TRPS1: variants seen among roughly 807,000 people sequenced by gnomAD.
TRPS1 encodes the protein transcriptional repressor GATA binding 1, also known as zinc finger transcription factor Trps1.
TRPS1 carries 6 observed loss-of-function variants against 101.2 expected under a neutral mutation model. The observed-to-expected ratio is 0.06, with a 90% confidence interval of 0.03 to 0.12. The LOEUF (loss-of-function observed/expected upper bound fraction) is 0.12, where lower values mean the gene tolerates loss of function less well. TRPS1 is among the 10% of genes least tolerant of loss of function. The pLI, the probability that TRPS1 is intolerant of heterozygous loss-of-function variation, is 1.00. For synonymous variants in TRPS1, 578 were observed against 589.8 expected, an observed-to-expected ratio of 0.98 and a Z score of 0.29; for missense variants, 1,363 against 1,567.0, an observed-to-expected ratio of 0.87 and a Z score of 2.20.
In TRPS1 at chr8:115,423,449, C is replaced by T. The variant is rs546365381; in HGVS notation, c.2701-4997G>A. ...TATTTCAAATATTATAGCCACAATA[C>T]TGATTTTCACAGCAGCAATGTAGGT... On this transcript the variant is annotated intron_variant, in intron 5 of 6. Coordinates refer to ENST00000395715, the MANE Select transcript of TRPS1 (RefSeq NM_014112.5). 2.0e-5 allele frequency among the ~76,000 whole-genome samples: 3 copies of T among 152,320 alleles called. No homozygotes were observed. The South Asian group carries it at 6.2e-4, about 32-fold the overall frequency.
chr8:115,450,548 A>C (rs1263502299), intron 5 of TRPS1, among the ~76,000 whole-genome samples: 1 of 152,060 alleles, frequency 6.6e-6, no homozygotes, highest in Admixed American at 6.5e-5. Flanking sequence ...TTTAACCCTG[A>C]ACTGGGAGTA....
chr8:115,620,870 T>C (rs183240458), intron 2 of TRPS1, among the ~76,000 whole-genome samples: 213 of 152,346 alleles, frequency 1.4e-3, no homozygotes, highest in African/African-American at 4.8e-3. Context: ...ATATGCAGCC[T>C]GGTGAAAACA....
At chr8:115,626,408 T>C (rs1337535694) in intron 1 of TRPS1, among the ~76,000 whole-genome samples, 1 of 151,802 alleles carries the variant, frequency 6.6e-6, no homozygotes, top group Non-Finnish European at 1.5e-5. Flanking sequence ...CAAGAATCAC[T>C]GAAGGAGTTT....
At chr8:115,583,480 G>A (rs1351772337) in intron 5 of TRPS1, among the ~76,000 whole-genome samples, 4 of 152,066 alleles carry the variant, frequency 2.6e-5, no homozygotes, top group Non-Finnish European at 5.9e-5. Context: ...ATTAGTAAAT[G>A]TTGGTAACCA....
At chr8:115,641,462 C>G (rs564901982) in intron 1 of TRPS1, among the ~76,000 whole-genome samples, 1 of 152,312 alleles carries the variant, frequency 6.6e-6, no homozygotes, top group East Asian at 1.9e-4. Context: ...ATTATTCTTT[C>G]AACCTATACC....
At chr8:115,454,979 G>C (rs1172132664) in intron 5 of TRPS1, among the ~76,000 whole-genome samples, 1 of 152,074 alleles carries the variant, frequency 6.6e-6, no homozygotes, top group Non-Finnish European at 1.5e-5. Flanking sequence ...AAACTTCTGT[G>C]ATATTCTGAT....
intron 1 of TRPS1, chr8:115,637,420 G>C (rs764639263): frequency 5.2e-6 from 3 of 571,762 alleles, no homozygotes; most frequent in Non-Finnish European, 6.6e-6. Flanking sequence ...AAAAGTGATG[G>C]GTTTCAAAAC....
chr8:115,509,235 CTAT>C (rs1815520316), intron 5 of TRPS1, among the ~76,000 whole-genome samples: 1 of 151,902 alleles, frequency 6.6e-6, no homozygotes, highest in South Asian at 2.1e-4. Context: ...ATAAGAGTTC[CTAT>C]TGGAGCAGGA....
chr8:115,651,542 C>T (rs1447010179), intron 1 of TRPS1, among the ~76,000 whole-genome samples: 1 of 152,200 alleles, frequency 6.6e-6, no homozygotes, highest in Non-Finnish European at 1.5e-5. Flanking sequence ...TTGAGAACTA[C>T]TGCATCCAAG....
At chr8:115,578,497 A>G (rs1448288059) in intron 5 of TRPS1, among the ~76,000 whole-genome samples, 1 of 152,142 alleles carries the variant, frequency 6.6e-6, no homozygotes, top group East Asian at 1.9e-4. Context: ...GAAGTAGCCT[A>G]ATTGTTCATT....
chr8:115,663,091 G>A (rs1463051539), intron 1 of TRPS1, among the ~76,000 whole-genome samples: 4 of 151,948 alleles, frequency 2.6e-5, no homozygotes, highest in African/African-American at 4.8e-5. Flanking sequence ...TTTAAGTTAC[G>A]GTAACCTGAA....
chr8:115,587,918 A>G (rs1473667316), intron 4 of TRPS1, among the ~76,000 whole-genome samples: 1 of 152,218 alleles, frequency 6.6e-6, no homozygotes, highest in East Asian at 1.9e-4. Flanking sequence ...GGTGATTAGC[A>G]TTAAAACTGG....
intron 1 of TRPS1, among the ~76,000 whole-genome samples, chr8:115,631,469 T>A (rs1818639379): frequency 1.3e-5 from 2 of 152,092 alleles, no homozygotes; most frequent in Admixed American, 1.3e-4. Flanking sequence ...CTCATTTCCA[T>A]CATCAGCACT....
chr8:115,643,969 T>C (rs552098984), intron 1 of TRPS1, among the ~76,000 whole-genome samples: 48 of 152,326 alleles, frequency 3.2e-4, no homozygotes, highest in African/African-American at 9.4e-4. Flanking sequence ...GCGTGCATTG[T>C]CAGTGAGCAG....
At chr8:115,471,941 A>G (rs1212293079) in intron 5 of TRPS1, among the ~76,000 whole-genome samples, 1 of 152,208 alleles carries the variant, frequency 6.6e-6, no homozygotes, top group Admixed American at 6.5e-5. Context: ...TGTGGTTTGC[A>G]GGGTACAGCT....
chr8:115,603,522 G>T (rs75008005), intron 4 of TRPS1, among the ~76,000 whole-genome samples: 2,491 of 152,222 alleles, frequency 0.016, 61 homozygotes, highest in African/African-American at 0.057. Flanking sequence ...AAAAATATAG[G>T]ATGTGGAGTC....
At chr8:115,553,693 T>C (rs1816753619) in intron 5 of TRPS1, among the ~76,000 whole-genome samples, 1 of 152,150 alleles carries the variant, frequency 6.6e-6, no homozygotes, top group Non-Finnish European at 1.5e-5. Flanking sequence ...TTCAATAACA[T>C]TTAGTTTTCT....
At chr8:115,440,820 T>C (rs1813575334) in intron 5 of TRPS1, among the ~76,000 whole-genome samples, 1 of 152,358 alleles carries the variant, frequency 6.6e-6, no homozygotes, top group African/African-American at 2.4e-5. Context: ...GATAGTACTG[T>C]CATTTTGTTG....
At chr8:115,647,029 A>G (rs901450769) in intron 1 of TRPS1, among the ~76,000 whole-genome samples, 2 of 152,296 alleles carry the variant, frequency 1.3e-5, no homozygotes, top group East Asian at 3.9e-4. Flanking sequence ...TTTAAAATTA[A>G]CGAAGAAATC....
Sources: allele counts gnomAD v4.1 joint callset (sites outside exome capture counted in the v4.1 genomes callset), GRCh38; gene constraint gnomAD v4.1.1; transcripts MANE v1.5; gene names NCBI Gene and HGNC (gene_info 2026-07-23, HGNC 2026-07-21).